The following CAB39 variants were observed in gnomAD, a reference collection of about 807,000 sequenced individuals.
CAB39 encodes the protein calcium-binding protein 39.
A neutral mutation model predicts 40.0 loss-of-function variants in CAB39; 8 were observed. The observed-to-expected ratio is 0.20, with a 90% CI of 0.12 to 0.36. CAB39 has a LOEUF of 0.36. CAB39 is among the 10% of genes least tolerant of loss of function. The pLI, the probability that CAB39 is intolerant of heterozygous loss-of-function variation, is 1.00. For missense variants in CAB39, 270 were observed against 401.1 expected (o/e 0.67, Z 2.79); for synonymous variants, 156 against 141.6 (o/e 1.10, Z -0.72).
intron 1 of CAB39, among the ~76,000 whole-genome samples, chr2:230,742,592 G>A (rs1383400064): frequency 2.0e-5 from 3 of 150,120 alleles, no homozygotes; most frequent in Admixed American, 6.6e-5. Flanking sequence ...AACAGCCAAA[G>A]GGATAATGTT....
At chr2:230,808,234 G>T (rs936106926) in intron 5 of CAB39, among the ~76,000 whole-genome samples, 1 of 152,008 alleles carries the variant, frequency 6.6e-6, no homozygotes, top group Non-Finnish European at 1.5e-5. Context: ...TTACAGGCAT[G>T]CATCACCACA....
chr2:230,715,777 A>G (rs935368128), intron 1 of CAB39, among the ~76,000 whole-genome samples: 1 of 152,208 alleles, frequency 6.6e-6, no homozygotes, highest in African/African-American at 2.4e-5. Flanking sequence ...AACATGGCTC[A>G]CTGCAACCTC....
intron 1 of CAB39, among the ~76,000 whole-genome samples, chr2:230,741,675 A>G (rs1694879683): frequency 6.6e-6 from 1 of 152,224 alleles, no homozygotes; most frequent in Admixed American, 6.5e-5. Context: ...TTGGAATCCA[A>G]TTCTAAAGGC....
intron 8 of CAB39, chr2:230,818,291 A>G: frequency 3.9e-6 from 2 of 518,092 alleles, no homozygotes; most frequent in Admixed American, 3.7e-5. Context: ...ACTGTGTTGC[A>G]GGGCTGGCAG....
chr2:230,776,652 T>G (rs1392627656), intron 2 of CAB39, among the ~76,000 whole-genome samples: 1 of 152,028 alleles, frequency 6.6e-6, no homozygotes, highest in Admixed American at 6.5e-5. Flanking sequence ...GAGAAACAAG[T>G]AGGTCATGGT....
At chr2:230,751,327 T>TA (rs1364087894) in intron 1 of CAB39, among the ~76,000 whole-genome samples, 1 of 152,222 alleles carries the variant, frequency 6.6e-6, no homozygotes, top group East Asian at 1.9e-4. Context: ...TCTAAACACA[T>TA]ACGCCCACAT....
chr2:230,783,585 AC>A (rs1445490621), intron 2 of CAB39, among the ~76,000 whole-genome samples: 2 of 48,056 alleles, frequency 4.2e-5, no homozygotes, highest in African/African-American at 8.3e-5. Context: ...CCCCACCCCC[AC>A]CCCCCAGGCT....
chr2:230,757,176 C>A (rs1695207383), intron 1 of CAB39, among the ~76,000 whole-genome samples: 1 of 152,118 alleles, frequency 6.6e-6, no homozygotes, highest in African/African-American at 2.4e-5. Context: ...GGTACAGTCA[C>A]CACCTCTTAG....
chr2:230,814,754 T>G (rs1696371361), intron 7 of CAB39, among the ~76,000 whole-genome samples: 1 of 152,176 alleles, frequency 6.6e-6, no homozygotes, highest in Non-Finnish European at 1.5e-5. Context: ...GACCCTATGT[T>G]CTGCAAAGTC....
intron 4 of CAB39, among the ~76,000 whole-genome samples, chr2:230,795,886 T>TA (rs1425652844): frequency 2.6e-5 from 4 of 152,204 alleles, no homozygotes; most frequent in Non-Finnish European, 5.9e-5. Context: ...GCCACTTCCT[T>TA]AGATAAGTAT....
At chr2:230,770,673 C>T (rs1695465924) in intron 2 of CAB39, among the ~76,000 whole-genome samples, 1 of 152,142 alleles carries the variant, frequency 6.6e-6, no homozygotes. Flanking sequence ...GTCTCACGAA[C>T]ATAGATGCAG....
intron 2 of CAB39, among the ~76,000 whole-genome samples, chr2:230,776,160 C>G (rs959586726): frequency 6.6e-6 from 1 of 152,138 alleles, no homozygotes. Context: ...GAGAAACAAG[C>G]TTTGGTAGAA....
chr2:230,761,647 T>C (rs956699044), intron 2 of CAB39, among the ~76,000 whole-genome samples: 4 of 152,210 alleles, frequency 2.6e-5, no homozygotes, highest in Non-Finnish European at 4.4e-5. Context: ...CTTCGGTACC[T>C]ATGAGTTATC....
At chr2:230,725,382 G>A (rs377103201) in intron 1 of CAB39, 102 of 1,599,796 alleles carry the variant, frequency 6.4e-5, no homozygotes, top group South Asian at 3.0e-4. Context: ...ACGAAGTCTC[G>A]GTGCTTTTGG....
At chr2:230,810,032 C>T (rs1696277053) in intron 5 of CAB39, among the ~76,000 whole-genome samples, 1 of 151,964 alleles carries the variant, frequency 6.6e-6, no homozygotes, top group African/African-American at 2.4e-5. Flanking sequence ...ATCATTTTTT[C>T]TAAGAGCTGT....
chr2:230,792,419 C>G (rs1196524005), intron 3 of CAB39, among the ~76,000 whole-genome samples: 1 of 152,194 alleles, frequency 6.6e-6, no homozygotes, highest in Non-Finnish European at 1.5e-5. Flanking sequence ...AGGATGATCT[C>G]TCTGTCTGTG....
chr2:230,743,407 T>G (rs1307124802), intron 1 of CAB39, among the ~76,000 whole-genome samples: 1 of 152,226 alleles, frequency 6.6e-6, no homozygotes, highest in African/African-American at 2.4e-5. Flanking sequence ...GACCCCCTAC[T>G]GACTCCAGAA....
intron 1 of CAB39, among the ~76,000 whole-genome samples, chr2:230,740,364 G>C (rs1369333273): frequency 2.0e-5 from 3 of 152,168 alleles, no homozygotes; most frequent in Non-Finnish European, 2.9e-5. Flanking sequence ...ATGTATACTG[G>C]ATAACAGCAT....
chr2:230,745,271 A>G (rs1694952127), intron 1 of CAB39, among the ~76,000 whole-genome samples: 2 of 152,244 alleles, frequency 1.3e-5, no homozygotes, highest in African/African-American at 2.4e-5. Context: ...TCCGCTAACA[A>G]TGGTCTACCT....
Sources: allele counts gnomAD v4.1 joint callset (sites outside exome capture counted in the v4.1 genomes callset), GRCh38; gene constraint gnomAD v4.1.1; transcripts MANE v1.5; gene names NCBI Gene and HGNC (gene_info 2026-07-23, HGNC 2026-07-21).